The following EFCAB11 variants were observed in gnomAD, a reference collection of about 807,000 sequenced individuals.
The protein encoded by EFCAB11 is EF-hand calcium binding domain 11.
In EFCAB11, 14 loss-of-function variants were observed where a neutral mutation model predicts 23.0. The observed-to-expected ratio is 0.61, with a 90% CI of 0.40 to 0.95. EFCAB11 has a LOEUF of 0.95. EFCAB11 is among the 40% of genes least tolerant of loss of function. EFCAB11 has a pLI of 0.00. For missense variants in EFCAB11, 198 were observed against 195.8 expected, an observed-to-expected ratio of 1.01 and a Z score of -0.07; for synonymous variants, 65 against 66.6, an observed-to-expected ratio of 0.98 and a Z score of 0.11.
chr14:89,900,380 T>C (rs904917744), intron 5 of EFCAB11, among the ~76,000 whole-genome samples: 6 of 152,164 alleles, frequency 3.9e-5, no homozygotes, highest in African/African-American at 1.4e-4. Flanking sequence ...GCTTTAACCA[T>C]GGCTAGAATG....
intron 5 of EFCAB11, among the ~76,000 whole-genome samples, chr14:89,877,469 A>G (rs529210913): frequency 2.5e-4 from 38 of 152,338 alleles, no homozygotes; most frequent in African/African-American, 9.1e-4. Context: ...AAATCTAAAG[A>G]TAATTCAGAA....
chr14:89,839,127 T>A (rs1887178479), intron 5 of EFCAB11, among the ~76,000 whole-genome samples: 1 of 152,098 alleles, frequency 6.6e-6, no homozygotes, highest in South Asian at 2.1e-4. Flanking sequence ...TGGGAAACAA[T>A]GGACTCCGAA....
At chr14:89,926,204 G>A (rs1402398870) in intron 5 of EFCAB11, among the ~76,000 whole-genome samples, 1 of 152,140 alleles carries the variant, frequency 6.6e-6, no homozygotes, top group African/African-American at 2.4e-5. Context: ...CATAACAAAT[G>A]AGTAGCAATT....
intron 5 of EFCAB11, chr14:89,892,491 G>GT (rs1889003630): frequency 9.9e-6 from 14 of 1,416,218 alleles, no homozygotes; most frequent in Non-Finnish European, 1.3e-5. Context: ...AGCCCACCTG[G>GT]TGGGATGGGG....
At chr14:89,882,448 A>AAG (rs1252583479) in intron 5 of EFCAB11, among the ~76,000 whole-genome samples, 1 of 152,226 alleles carries the variant, frequency 6.6e-6, no homozygotes, top group East Asian at 1.9e-4. Flanking sequence ...AAAGGAAGCC[A>AAG]AGAGATCATC....
At chr14:89,832,652 T>C (rs1336840857) in intron 5 of EFCAB11, among the ~76,000 whole-genome samples, 1 of 152,242 alleles carries the variant, frequency 6.6e-6, no homozygotes, top group Non-Finnish European at 1.5e-5. Context: ...CTGAACATCA[T>C]AGTTTAGCCT....
At chr14:89,844,920 C>T (rs752519814) in intron 5 of EFCAB11, among the ~76,000 whole-genome samples, 3 of 151,542 alleles carry the variant, frequency 2.0e-5, no homozygotes, top group Non-Finnish European at 2.9e-5. Context: ...GCACTTCCAG[C>T]TCTGTATCTC....
intron 5 of EFCAB11, among the ~76,000 whole-genome samples, chr14:89,800,770 T>C (rs1286968): frequency 0.88 from 133,548 of 152,064 alleles, 58,970 homozygotes; most frequent in Middle Eastern, 0.93. Context: ...GGGCTGGGTG[T>C]GGTGGCTCAC....
At chr14:89,894,602 A>G (rs1353214991) in intron 5 of EFCAB11, among the ~76,000 whole-genome samples, 1 of 152,138 alleles carries the variant, frequency 6.6e-6, no homozygotes, top group East Asian at 1.9e-4. Flanking sequence ...AAAATATTGA[A>G]ATCTTTCCCT....
intron 5 of EFCAB11, chr14:89,837,204 A>G: frequency 2.3e-6 from 1 of 441,196 alleles, no homozygotes; most frequent in Non-Finnish European, 4.6e-6. Context: ...GCCTTATACT[A>G]TTTATTCTCT....
intron 5 of EFCAB11, 100 bp from the exon 6 acceptor site, chr14:89,797,424 A>G (rs1473236528): frequency 9.6e-7 from 1 of 1,039,708 alleles, no homozygotes; most frequent in South Asian, 1.5e-5. Flanking sequence ...TCTGTGTGAG[A>G]GAGGAACCTA....
chr14:89,889,462 T>C (rs1181287555), intron 5 of EFCAB11, among the ~76,000 whole-genome samples: 1 of 152,194 alleles, frequency 6.6e-6, no homozygotes, highest in Non-Finnish European at 1.5e-5. Context: ...GCTTGCCAAA[T>C]GGTAAGTGCT....
At chr14:89,937,199 C>T (rs1890616670) in intron 3 of EFCAB11, among the ~76,000 whole-genome samples, 1 of 152,146 alleles carries the variant, frequency 6.6e-6, no homozygotes, top group East Asian at 1.9e-4. Context: ...TAGACTCTAT[C>T]AATAGTTGGC....
chr14:89,804,553 G>C (rs1289843495), intron 5 of EFCAB11, among the ~76,000 whole-genome samples: 1 of 152,146 alleles, frequency 6.6e-6, no homozygotes, highest in Non-Finnish European at 1.5e-5. Context: ...ACAACAACCT[G>C]TACACAAGCC....
rs73320767 is a variant in EFCAB11 at position 89,907,537 on chromosome 14, T to C, written c.410+24004A>G. Among the ~76,000 whole-genome samples the C allele has an allele frequency of 6.0e-3, 919 of 152,278 alleles. 6 individuals are homozygous for C. The highest frequency in any genetic ancestry group is 0.021 in the African/African-American group (863 of 41,548). On this transcript the variant is annotated intron_variant, in intron 5 of 5. Transcript: ENST00000316738. Reference sequence around the variant, plus strand: ...CCCAACCTTAGGGCTATGAAAAGGGTTATGGTCATAGATTATATAGCTCTA... The same window carrying C: ...CCCAACCTTAGGGCTATGAAAAGGGCTATGGTCATAGATTATATAGCTCTA...
At position 89,932,578 on chromosome 14, in the gene EFCAB11, A is replaced by G. The variant is rs772404551; in HGVS notation, c.267T>C (p.Ala89=). 6.2e-7 allele frequency: 1 copy of G among 1,613,744 alleles called. No individual in the cohort carries two copies. Among genetic ancestry groups the G allele is most frequent in the Non-Finnish European group, 8.5e-7 (1 of 1,179,926 alleles). ...GTCTTACTTCGTTCCGATATCGTTGAGCTTCCTTCTTTTTCCTGACAATAT... is the reference window on the plus strand; with the variant it reads ...GTCTTACTTCGTTCCGATATCGTTGGGCTTCCTTCTTTTTCCTGACAATAT... ...FLNIVRKKKE[A]QRYRNEVRHI... The change falls in exon 4 of 6, where the codon GCT becomes GCC. Residue 89 remains alanine (A), a synonymous_variant. Transcript: ENST00000316738.
Position 89,935,873 on chromosome 14 carries a change from C to T in EFCAB11, c.218-3246G>A, listed in dbSNP as rs146911740. Among the ~76,000 whole-genome samples the T allele has an allele frequency of 5.1e-3, 772 of 152,058 alleles. 9 individuals are homozygous for T. The highest frequency in any genetic ancestry group is 0.018 in the African/African-American group (747 of 41,494). ...AAATACAAAAATTAGCCAGGTGTGG[C>T]GGCATGCACCTGTAATCCCAGCTAG... On this transcript the variant is annotated intron_variant, in intron 3 of 5. Coordinates refer to ENST00000316738, the MANE Select transcript of EFCAB11 (RefSeq NM_145231.4).
chr14:89,869,302 T>C (rs1888194229), intron 5 of EFCAB11, among the ~76,000 whole-genome samples: 2 of 152,222 alleles, frequency 1.3e-5, no homozygotes, highest in African/African-American at 2.4e-5. Flanking sequence ...ATTAACCATC[T>C]TGGTATCAGT....
chr14:89,848,816 A>G (rs4479153), intron 5 of EFCAB11: 23 of 151,560 alleles, frequency 1.5e-4, no homozygotes, highest in African/African-American at 5.1e-4. Context: ...AGTCCTAACT[A>G]CTCAGGAGGC....
Sources: allele counts gnomAD v4.1 joint callset (sites outside exome capture counted in the v4.1 genomes callset), GRCh38; gene constraint gnomAD v4.1.1; transcripts MANE v1.5; gene names NCBI Gene and HGNC (gene_info 2026-07-23, HGNC 2026-07-21).